ADAMTSL1: variants seen among roughly 807,000 people sequenced by gnomAD.
The protein encoded by ADAMTSL1 is ADAMTS like 1.
In ADAMTSL1, 126 loss-of-function variants were observed where a neutral mutation model predicts 201.8. That is an observed-to-expected ratio of 0.62 (90% CI 0.54 to 0.72). The LOEUF (loss-of-function observed/expected upper bound fraction) is 0.72. Ranked by LOEUF, ADAMTSL1 falls within the 30% of genes least tolerant of loss-of-function variation. The pLI, the probability that ADAMTSL1 is intolerant of heterozygous loss-of-function variation, is 0.00. For synonymous variants in ADAMTSL1, 1,121 were observed against 903.4 expected (o/e 1.24, Z -4.32); for missense variants, 2,679 against 2,277.8 (o/e 1.18, Z -3.59).
At chr9:18,907,011 C>A in intron 28 of ADAMTSL1, 99 bp downstream of exon 28, 2 of 1,363,764 alleles carry the variant, frequency 1.5e-6, no homozygotes, top group South Asian at 1.3e-5. Context: ...GGCATGGGGT[C>A]AGCTTCCCCA....
intron 3 of ADAMTSL1, among the ~76,000 whole-genome samples, chr9:18,562,823 T>C (rs937149181): frequency 1.3e-5 from 2 of 152,246 alleles, no homozygotes; most frequent in Non-Finnish European, 1.5e-5. Flanking sequence ...TTGATGCTTG[T>C]GTATGCTTCA....
intron 6 of ADAMTSL1, among the ~76,000 whole-genome samples, chr9:18,638,393 G>C (rs1013215030): frequency 6.6e-6 from 1 of 152,050 alleles, no homozygotes; most frequent in Non-Finnish European, 1.5e-5. Flanking sequence ...TTCTTGTCAA[G>C]TTTTGGAACC....
chr9:18,509,728 T>C (rs1020938874), intron 2 of ADAMTSL1, among the ~76,000 whole-genome samples: 4 of 152,232 alleles, frequency 2.6e-5, no homozygotes, highest in Non-Finnish European at 5.9e-5. Flanking sequence ...TAGTATCTCA[T>C]TGGCCAAACT....
intron 2 of ADAMTSL1, among the ~76,000 whole-genome samples, chr9:18,232,134 A>C (rs1830665374): frequency 6.6e-6 from 1 of 152,138 alleles, no homozygotes; most frequent in South Asian, 2.1e-4. Context: ...TCTCCTATTT[A>C]CGCACTGACC....
chr9:18,269,367 G>A, intron 2 of ADAMTSL1, among the ~76,000 whole-genome samples: 1 of 152,028 alleles, frequency 6.6e-6, no homozygotes, highest in East Asian at 1.9e-4. Context: ...AACATTGTAG[G>A]ACCCATCTGC....
At chr9:18,041,689 A>C (rs567832235) in intron 1 of ADAMTSL1, among the ~76,000 whole-genome samples, 3 of 152,284 alleles carry the variant, frequency 2.0e-5, no homozygotes, top group South Asian at 4.1e-4. Flanking sequence ...TTCCTAACCA[A>C]ACTGATAATC....
chr9:18,459,634 CA>C, intron 2 of ADAMTSL1, among the ~76,000 whole-genome samples: 1 of 152,246 alleles, frequency 6.6e-6, no homozygotes, highest in South Asian at 2.1e-4. Flanking sequence ...CTTAGTTAAT[CA>C]GACCCTTTGG....
At position 18,646,181 on chromosome 9, in the gene ADAMTSL1, C is replaced by G. The variant is rs191301189; in HGVS notation, c.834+6770C>G. The stretch of plus-strand genomic sequence containing the variant: ...GAATCGGAGTTCACTCATGATTTGG[C>G]TCTCTGTTTGTCTGTTATTGGTGTA... On this transcript the variant is annotated intron_variant, in intron 7 of 28. Transcript: ENST00000380548. Among the ~76,000 whole-genome samples, 711 of 151,774 alleles carry G rather than the reference C, an allele frequency of 4.7e-3. 6 individuals carry two copies. Among genetic ancestry groups the G allele is most frequent in the African/African-American group, 0.016 (677 of 41,422 alleles).
chr9:18,180,005 G>C (rs1828380655), intron 2 of ADAMTSL1, among the ~76,000 whole-genome samples: 2 of 151,406 alleles, frequency 1.3e-5, no homozygotes, highest in African/African-American at 4.9e-5. Context: ...ATAATGACAG[G>C]ATCAAATTCA....
intron 1 of ADAMTSL1, among the ~76,000 whole-genome samples, chr9:17,988,669 T>C (rs1819021929): frequency 6.6e-6 from 1 of 151,912 alleles, no homozygotes; most frequent in Non-Finnish European, 1.5e-5. Context: ...GATAGTAAGG[T>C]CTGTTAATGA....
At chr9:18,583,770 A>G (rs957609963) in intron 4 of ADAMTSL1, among the ~76,000 whole-genome samples, 8 of 152,224 alleles carry the variant, frequency 5.3e-5, no homozygotes, top group African/African-American at 1.9e-4. Flanking sequence ...GATATGAGAC[A>G]GGAGTCAAAG....
At chr9:18,255,910 C>A (rs1252734365) in intron 2 of ADAMTSL1, among the ~76,000 whole-genome samples, 2 of 152,178 alleles carry the variant, frequency 1.3e-5, no homozygotes, top group African/African-American at 4.8e-5. Context: ...TAATCTGTTT[C>A]TAAATCTGAT....
intron 1 of ADAMTSL1, among the ~76,000 whole-genome samples, chr9:18,499,541 A>G (rs1822720337): frequency 6.6e-6 from 1 of 152,252 alleles, no homozygotes; most frequent in South Asian, 2.1e-4. Flanking sequence ...AGATTGCTCC[A>G]CTTCGCATGG....
At chr9:18,854,588 A>T (rs1280014674) in intron 23 of ADAMTSL1, among the ~76,000 whole-genome samples, 3 of 152,192 alleles carry the variant, frequency 2.0e-5, no homozygotes, top group African/African-American at 7.2e-5. Flanking sequence ...TCAAGAATAG[A>T]TGAATAGAAT....
intron 28 of ADAMTSL1, chr9:18,907,800 T>G (rs1249444282): frequency 6.5e-6 from 1 of 154,136 alleles, no homozygotes; most frequent in African/African-American, 2.4e-5. Context: ...AGTTAAAACT[T>G]ACCAAACCAA....
intron 1 of ADAMTSL1, among the ~76,000 whole-genome samples, chr9:18,098,386 T>C (rs1271375608): frequency 6.6e-6 from 1 of 152,206 alleles, no homozygotes; most frequent in East Asian, 1.9e-4. Flanking sequence ...ACATGATATA[T>C]CTTTTTAAAA....
At chr9:18,185,137 G>A (rs1828677113) in intron 2 of ADAMTSL1, among the ~76,000 whole-genome samples, 1 of 152,098 alleles carries the variant, frequency 6.6e-6, no homozygotes, top group African/African-American at 2.4e-5. Context: ...ATAGCCTGGT[G>A]TTCATAATCC....
At position 18,759,289 on chromosome 9, in the gene ADAMTSL1, G is replaced by A. The variant is rs138164963; in HGVS notation, c.2217+5781G>A. Among the ~76,000 whole-genome samples the A allele has an allele frequency of 5.9e-5, 9 of 152,274 alleles. No individual in the cohort carries two copies. In the East Asian group the frequency reaches 1.7e-3, roughly 29 times the overall value. On this transcript the variant is annotated intron_variant, in intron 16 of 28. Transcript: ENST00000380548. ...ATGTAAAAAAGCATAAGGGAGAGGA[G>A]TCCCTGCTAGTGATACAAAGAAAAA... is the stretch of plus-strand genomic sequence containing the variant.
At chr9:18,908,008 G>A (rs370583091) in intron 28 of ADAMTSL1, 8 of 202,982 alleles carry the variant, frequency 3.9e-5, no homozygotes, top group South Asian at 8.0e-5. Context: ...CTGCAAAGTC[G>A]GGGAGGATGC....
Sources: allele counts gnomAD v4.1 joint callset (sites outside exome capture counted in the v4.1 genomes callset), GRCh38; gene constraint gnomAD v4.1.1; transcripts MANE v1.5; gene names NCBI Gene and HGNC (gene_info 2026-07-23, HGNC 2026-07-21).